THAP5: variants seen among roughly 807,000 people sequenced by gnomAD.
The protein encoded by THAP5 is THAP domain-containing protein 5.
A neutral mutation model predicts 34.0 loss-of-function variants in THAP5; 26 were observed. That is an observed-to-expected ratio of 0.77 (90% CI 0.56 to 1.06). The LOEUF (loss-of-function observed/expected upper bound fraction) is 1.06. Among genes scored for constraint, THAP5 ranks in the 50% least tolerant of loss-of-function variants. THAP5 has a pLI of 0.00. For synonymous variants in THAP5, 125 were observed against 153.0 expected, an observed-to-expected ratio of 0.82 and a Z score of 1.35; for missense variants, 394 against 452.8, an observed-to-expected ratio of 0.87 and a Z score of 1.18.
At chr7:108,565,503 G>A (rs865995676) in intron 2 of THAP5, 6 of 187,128 alleles carry the variant, frequency 3.2e-5, no homozygotes, top group Middle Eastern at 2.2e-3. Flanking sequence ...AGGAGGCAGA[G>A]GTTGCAGTGA....
chr7:108,548,770 A>C, the THAP5 span, among the ~76,000 whole-genome samples: 3 of 152,150 alleles, frequency 2.0e-5, no homozygotes, highest in Non-Finnish European at 4.4e-5. Context: ...AGAACAGCGC[A>C]GAAAAGACCT....
At chr7:108,546,172 T>A in the THAP5 span, among the ~76,000 whole-genome samples, 1 of 152,144 alleles carries the variant, frequency 6.6e-6, no homozygotes, top group Admixed American at 6.6e-5. Context: ...TTATCAACCA[T>A]CTGTCAATCA....
downstream of THAP5, chr7:108,554,478 C>T (rs1364955260): frequency 2.6e-5 from 4 of 152,070 alleles, no homozygotes; most frequent in Non-Finnish European, 5.9e-5. Context: ...TTAGTGCAGA[C>T]TCATTTTAGG....
rs1018953372 is a variant in THAP5 at position 108,562,849 on chromosome 7, A to G, written c.*1342T>C. On this transcript the variant is annotated 3_prime_UTR_variant, in exon 3 of 3. Transcript: ENST00000415914. ...CCATTACTTCTCTTTTCTAAGAGAA[A>G]TTCTTTGTCTCCCTAAGATCATGAC... The G allele has an allele frequency of 6.6e-6, 1 of 152,202 alleles. No homozygotes were observed. Among genetic ancestry groups the G allele is most frequent in the African/African-American group, 2.4e-5 (1 of 41,450 alleles). The allele number at this position is 152,202 out of a possible 1,614,324, so 9.4% of individuals were successfully genotyped here.
chr7:108,553,371 C>T (rs1320801801), downstream of THAP5, among the ~76,000 whole-genome samples: 1 of 152,190 alleles, frequency 6.6e-6, no homozygotes, highest in Non-Finnish European at 1.5e-5. Flanking sequence ...CTCTGTCCTA[C>T]AGCTCTGTCT....
chr7:108,562,117 T>C (rs1381231557), downstream of THAP5: 1 of 152,218 alleles, frequency 6.6e-6, no homozygotes, highest in African/African-American at 2.4e-5. Context: ...TGGAGCATTT[T>C]GGATTTTCAG....
chr7:108,566,293 T>C (rs1292322126), intron 1 of THAP5, among the ~76,000 whole-genome samples: 2 of 152,206 alleles, frequency 1.3e-5, no homozygotes, highest in Admixed American at 6.5e-5. Flanking sequence ...GTAAAATATA[T>C]GTGTTCCTAT....
chr7:108,565,281 T>C (rs1398217921), intron 2 of THAP5, 176 bp from the exon 3 acceptor site: 5 of 487,232 alleles, frequency 1.0e-5, no homozygotes, highest in African/African-American at 7.9e-5. Context: ...TCCCATTCAA[T>C]ATACGGCAGA....
chr7:108,551,644 G>A (rs530892343), downstream of THAP5, among the ~76,000 whole-genome samples: 4 of 152,298 alleles, frequency 2.6e-5, no homozygotes, highest in African/African-American at 7.2e-5. Flanking sequence ...ACATTTAAAA[G>A]CTGGTGAAAA....
At chr7:108,565,733 C>T (rs1790471886) in intron 2 of THAP5, 97 bp downstream of exon 2, 1 of 945,406 alleles carries the variant, frequency 1.1e-6, no homozygotes, top group Non-Finnish European at 1.5e-6. Flanking sequence ...TATCTGTTTA[C>T]CCAAGTTATA....
Position 108,563,732 on chromosome 7 carries a change from G to C in THAP5, c.*459C>G, listed in dbSNP as rs1341058787. ...GTATATATTATCTTACAGAAAATGTGTTCTAATAGAATTATCTTAATAAAA... is the reference window on the plus strand; with the variant it reads ...GTATATATTATCTTACAGAAAATGTCTTCTAATAGAATTATCTTAATAAAA... On this transcript the variant is annotated 3_prime_UTR_variant, in exon 3 of 3. Coordinates refer to ENST00000415914, the MANE Select transcript of THAP5 (RefSeq NM_001130475.3). The C allele has an allele frequency of 6.5e-6, 1 of 152,970 alleles. No homozygotes were observed. The highest frequency in any genetic ancestry group is 2.4e-5 in the African/African-American group (1 of 41,396). 9.5% of individuals were successfully genotyped at this position (152,970 alleles called of 1,614,324 possible).
chr7:108,542,755 G>A, the THAP5 span, among the ~76,000 whole-genome samples: 18 of 152,086 alleles, frequency 1.2e-4, no homozygotes, highest in Non-Finnish European at 2.4e-4. Context: ...GAGCCACTGT[G>A]CCTGGCCAAG....
At chr7:108,565,359 GAGTTCAAGACCAGC>G (rs1201964390) in intron 2 of THAP5, 2 of 271,350 alleles carry the variant, frequency 7.4e-6, no homozygotes, top group African/African-American at 4.4e-5. Context: ...CTGAGGTCAG[GAGTTCAAGACCAGC>G]CTGGCTAACA....
the THAP5 span, among the ~76,000 whole-genome samples, chr7:108,545,106 T>C: frequency 4.6e-5 from 7 of 152,234 alleles, no homozygotes; most frequent in Non-Finnish European, 1.0e-4. Context: ...TGCTATAGTT[T>C]GTTGAATTTG....
At chr7:108,543,756 A>G in the THAP5 span, among the ~76,000 whole-genome samples, 1 of 151,832 alleles carries the variant, frequency 6.6e-6, no homozygotes, top group Admixed American at 6.6e-5. Flanking sequence ...GGTTGGCCCT[A>G]TTTTTTTTAT....
At position 108,564,148 on chromosome 7, in the gene THAP5, G is replaced by A. The variant is rs1282982375; in HGVS notation, c.*43C>T. 6.8e-7 allele frequency: 1 copy of A among 1,475,146 alleles called. No individual in the cohort carries two copies. Among genetic ancestry groups the A allele is most frequent in the Non-Finnish European group, 9.1e-7 (1 of 1,098,172 alleles). 91.4% of individuals were successfully genotyped at this position (1,475,146 alleles called of 1,614,324 possible). A position where few individuals can be genotyped will look rare whatever the true frequency, so the allele number is the denominator to read the frequency against. On this transcript the variant is annotated 3_prime_UTR_variant, in exon 3 of 3. Transcript: ENST00000415914. ...CTTTACATGTAGTTTGGTTTGGCTGGAAAAAGCTTATTTAACAGCCATAGT... is the reference window on the plus strand; with the variant it reads ...CTTTACATGTAGTTTGGTTTGGCTGAAAAAAGCTTATTTAACAGCCATAGT...
At chr7:108,559,577 G>A (rs1021159631), downstream of THAP5, among the ~76,000 whole-genome samples, 3 of 152,186 alleles carry the variant, frequency 2.0e-5, no homozygotes, top group Admixed American at 1.3e-4. Flanking sequence ...TGTGAATGAA[G>A]TGAGATTACT....
chr7:108,564,402 C>G lies in THAP5; in HGVS notation c.977G>C (p.Arg326Thr). ...AAGATGTTCCTTATTTATATCTTGT[C>G]TGCAGTAAGAATGTTCGATTTGTAA... ...EVLQIEHSYC[R>T]QDINKEHLWQ... Residue 326 changes from arginine to threonine, a missense_variant, in exon 3 of 3, where the codon AGA becomes ACA. Arg to Thr is a moderately conservative substitution (Grantham distance 71, BLOSUM62 -1). Transcript: ENST00000415914. 3.1e-6 allele frequency: 5 copies of G among 1,613,810 alleles called. No individual in the cohort carries two copies. The highest frequency in any genetic ancestry group is 4.2e-6 in the Non-Finnish European group (5 of 1,179,878).
chr7:108,550,235 A>G (rs1864345135), downstream of THAP5, among the ~76,000 whole-genome samples: 1 of 152,168 alleles, frequency 6.6e-6, no homozygotes, highest in Non-Finnish European at 1.5e-5. Context: ...CAGTGTAGCT[A>G]AGAAGTTTGG....
Sources: allele counts gnomAD v4.1 joint callset (sites outside exome capture counted in the v4.1 genomes callset), GRCh38; gene constraint gnomAD v4.1.1; transcripts MANE v1.5; gene names NCBI Gene and HGNC (gene_info 2026-07-23, HGNC 2026-07-21).